Variants in PDSS2 observed in about 807,000 individuals in gnomAD.
The protein encoded by PDSS2 is all trans-polyprenyl-diphosphate synthase PDSS2.
In PDSS2, 31 loss-of-function variants were observed where a neutral mutation model predicts 44.5. The observed-to-expected ratio is 0.70, with a 90% confidence interval of 0.52 to 0.94. The LOEUF (loss-of-function observed/expected upper bound fraction) is 0.94. Among genes scored for constraint, PDSS2 ranks in the 40% least tolerant of loss-of-function variants. The probability of loss-of-function intolerance (pLI) is 0.00; values close to 1 mark genes in which losing one functional copy is unlikely to be tolerated. For missense variants in PDSS2, 452 were observed against 482.2 expected (o/e 0.94, Z 0.59); for synonymous variants, 157 against 180.3 (o/e 0.87, Z 1.03).
At chr6:107,173,282 C>T (rs1430151921) in intron 7 of PDSS2, among the ~76,000 whole-genome samples, 1 of 150,696 alleles carries the variant, frequency 6.6e-6, no homozygotes, top group Non-Finnish European at 1.5e-5. Flanking sequence ...TTATATTGAA[C>T]AGGAAAACAG....
At chr6:107,227,679 T>A (rs1773882044) in intron 4 of PDSS2, among the ~76,000 whole-genome samples, 1 of 151,886 alleles carries the variant, frequency 6.6e-6, no homozygotes, top group African/African-American at 2.4e-5. Context: ...TACGGAAGAG[T>A]AAGGCAGGCA....
At chr6:107,336,899 C>T (rs1460853046) in intron 1 of PDSS2, among the ~76,000 whole-genome samples, 1 of 117,882 alleles carries the variant, frequency 8.5e-6, no homozygotes, top group African/African-American at 3.3e-5. Context: ...TGGGCCTGGT[C>T]AGGGATTAAG....
In PDSS2 at chr6:107,261,612, T is replaced by A. The variant is rs181013583; in HGVS notation, c.630+12417A>T. Among the ~76,000 whole-genome samples the A allele has an allele frequency of 2.1e-5, 3 of 141,966 alleles. No homozygotes were observed. In the Admixed American group the frequency reaches 2.2e-4, roughly 10 times the overall value. 93.1% of individuals were successfully genotyped at this position (141,966 alleles called of 152,430 possible). ...TTTTTTTTTTGAGATGGAGTTTCAC[T>A]CTTTCCCCTAGGCTGGAATGCAGTG... On this transcript the variant is annotated intron_variant, in intron 3 of 7. Coordinates refer to ENST00000369037, the MANE Select transcript of PDSS2 (RefSeq NM_020381.4).
At chr6:107,310,558 C>A (rs1777011887) in intron 2 of PDSS2, among the ~76,000 whole-genome samples, 1 of 152,174 alleles carries the variant, frequency 6.6e-6, no homozygotes, top group African/African-American at 2.4e-5. Context: ...CCATCCCATT[C>A]AGCGTCCAAA....
At chr6:107,416,229 G>GTT (rs1780655045) in intron 1 of PDSS2, among the ~76,000 whole-genome samples, 1 of 151,972 alleles carries the variant, frequency 6.6e-6, no homozygotes, top group Non-Finnish European at 1.5e-5. Context: ...AAAAAAATTT[G>GTT]TAAGCACAGT....
intron 1 of PDSS2, among the ~76,000 whole-genome samples, chr6:107,362,755 T>C (rs2114299111): frequency 6.6e-6 from 1 of 152,236 alleles, no homozygotes; most frequent in South Asian, 2.1e-4. Context: ...ATAAATATGC[T>C]CAAAAAACTA....
chr6:107,413,576 TG>T (rs1198234948), intron 1 of PDSS2, among the ~76,000 whole-genome samples: 15 of 152,140 alleles, frequency 9.9e-5, no homozygotes, highest in Admixed American at 9.8e-4. Context: ...AGGATTCTCC[TG>T]CCTCAGCCTC....
intron 4 of PDSS2, among the ~76,000 whole-genome samples, chr6:107,217,822 TGA>T (rs1582801348): frequency 6.6e-6 from 1 of 152,334 alleles, no homozygotes; most frequent in East Asian, 1.9e-4. Context: ...AAAACAGAGT[TGA>T]GAAGTCACAG....
chr6:107,322,468 G>C (rs752250771), intron 2 of PDSS2, among the ~76,000 whole-genome samples: 1 of 152,118 alleles, frequency 6.6e-6, no homozygotes, highest in Non-Finnish European at 1.5e-5. Context: ...GCAGTGAGCT[G>C]TGATCGGGCC....
intron 1 of PDSS2, among the ~76,000 whole-genome samples, chr6:107,355,140 C>T (rs1056106259): frequency 7.2e-5 from 11 of 152,150 alleles, no homozygotes; most frequent in Admixed American, 5.9e-4. Flanking sequence ...ACCATGGTCT[C>T]GATCTCTTGA....
chr6:107,315,565 C>G (rs986456705), intron 2 of PDSS2, among the ~76,000 whole-genome samples: 6 of 151,870 alleles, frequency 4.0e-5, no homozygotes, highest in African/African-American at 1.5e-4. Flanking sequence ...CATGTCAGAC[C>G]CTGTGATAAG....
At chr6:107,359,089 C>T (rs1456844332) in intron 1 of PDSS2, among the ~76,000 whole-genome samples, 1 of 141,630 alleles carries the variant, frequency 7.1e-6, no homozygotes, top group Non-Finnish European at 1.5e-5. Flanking sequence ...CAGCTCACTG[C>T]AACCTCAGCC....
intron 2 of PDSS2, among the ~76,000 whole-genome samples, chr6:107,313,352 CTTTA>C (rs1247784109): frequency 3.9e-5 from 6 of 151,954 alleles, no homozygotes; most frequent in Admixed American, 6.6e-5. Flanking sequence ...TTTTGTTTTA[CTTTA>C]TTTATTTATT....
intron 2 of PDSS2, among the ~76,000 whole-genome samples, chr6:107,282,824 G>A (rs1350690445): frequency 4.7e-5 from 7 of 148,168 alleles, no homozygotes; most frequent in Admixed American, 2.7e-4. Context: ...AGCTGAGTTC[G>A]TGCCATTGCA....
At chr6:107,297,534 C>G (rs1208583423) in intron 2 of PDSS2, among the ~76,000 whole-genome samples, 1 of 151,760 alleles carries the variant, frequency 6.6e-6, no homozygotes, top group African/African-American at 2.4e-5. Flanking sequence ...AGGCGTCCGT[C>G]ACCATGCCCG....
intron 7 of PDSS2, 38 bp downstream of exon 7, chr6:107,193,784 A>G (rs371336693): frequency 1.0e-4 from 122 of 1,220,842 alleles, no homozygotes; most frequent in Non-Finnish European, 1.3e-4. Flanking sequence ...CCAAATTGAA[A>G]TGTGTAAAAT....
rs143386354 is a variant in PDSS2 at position 107,239,562 on chromosome 6, T to C, written c.702+5986A>G. Among the ~76,000 whole-genome samples, 401 of 151,964 alleles carry C rather than the reference T, an allele frequency of 2.6e-3. 1 individual carries two copies. The highest frequency in any genetic ancestry group is 9.2e-3 in the African/African-American group (382 of 41,502). On this transcript the variant is annotated intron_variant, in intron 4 of 7. Transcript: ENST00000369037. The stretch of plus-strand genomic sequence containing the variant: ...ATGATTCATTTCTGGGGAATGGTTT[T>C]ATAAAATAATTTTTATTTTCCTCTT...
intron 2 of PDSS2, among the ~76,000 whole-genome samples, chr6:107,291,883 G>C: frequency 6.6e-6 from 1 of 151,990 alleles, no homozygotes; most frequent in South Asian, 2.1e-4. Context: ...AAAATGCCAA[G>C]GCTGTAGGCC....
At chr6:107,436,636 G>A (rs1289358118) in intron 1 of PDSS2, among the ~76,000 whole-genome samples, 3 of 152,140 alleles carry the variant, frequency 2.0e-5, no homozygotes, top group Non-Finnish European at 4.4e-5. Flanking sequence ...TTTCAGTTGG[G>A]AGGAGTAAGT....
Sources: gnomAD v4.1 joint callset for allele counts (sites outside exome capture counted in the v4.1 genomes callset) on GRCh38, gnomAD v4.1.1 for gene constraint, MANE v1.5 for transcripts, NCBI Gene and HGNC (gene_info 2026-07-23, HGNC 2026-07-21) for gene names.